The following ZCCHC7 variants were observed in gnomAD, a reference collection of about 807,000 sequenced individuals.
ZCCHC7 encodes the protein zinc finger CCHC domain-containing protein 7.
A neutral mutation model predicts 52.0 loss-of-function variants in ZCCHC7; 35 were observed. The observed-to-expected ratio is 0.67, with a 90% CI of 0.51 to 0.89. ZCCHC7 has a LOEUF of 0.89. Among genes scored for constraint, ZCCHC7 ranks in the 40% least tolerant of loss-of-function variants. ZCCHC7 has a pLI of 0.00. For synonymous variants in ZCCHC7, 217 were observed against 221.5 expected (o/e 0.98, Z 0.18); for missense variants, 574 against 649.1 (o/e 0.88, Z 1.26).
intron 2 of ZCCHC7, among the ~76,000 whole-genome samples, chr9:37,259,749 T>C (rs1424582606): frequency 6.6e-6 from 1 of 152,206 alleles, no homozygotes; most frequent in Non-Finnish European, 1.5e-5. Flanking sequence ...TTCTTGTAAC[T>C]TGGAAGTTGT....
rs138764452 is a variant in ZCCHC7, at chr9:37,333,086, A to G, written c.987+5252A>G. On this transcript the variant is annotated intron_variant, in intron 6 of 8. Transcript: ENST00000336755. ...AATACTAATTTGGTTTAAATGGGAA[A>G]TCAATATGGCATATTTTGCATAGTT... is the stretch of plus-strand genomic sequence containing the variant. Among the ~76,000 whole-genome samples, 72 of 151,856 alleles carry G rather than the reference A, an allele frequency of 4.7e-4. No individual in the cohort carries two copies. In the East Asian group the frequency reaches 0.011, roughly 24 times the overall value.
intron 6 of ZCCHC7, among the ~76,000 whole-genome samples, chr9:37,339,814 C>CT (rs746067796): frequency 5.3e-5 from 8 of 152,092 alleles, no homozygotes; most frequent in Admixed American, 1.3e-4. Flanking sequence ...AGAAAATACC[C>CT]TTTAATTAGT....
chr9:37,176,866 G>A (rs1822061386), intron 2 of ZCCHC7, among the ~76,000 whole-genome samples: 1 of 152,158 alleles, frequency 6.6e-6, no homozygotes, highest in African/African-American at 2.4e-5. Context: ...TTCTGTAAAT[G>A]GGAAGACAGA....
chr9:37,356,823 T>C lies in ZCCHC7; in HGVS notation c.1199-12T>C. ...GCTGCTGAATATGCAAAAATACTTTTATATTTTTCAGTACTCAAGAAAAAT... is the reference window on the plus strand; with the variant it reads ...GCTGCTGAATATGCAAAAATACTTTCATATTTTTCAGTACTCAAGAAAAAT... On this transcript the variant is annotated splice_polypyrimidine_tract_variant and intron_variant, in intron 8 of 8. Transcript: ENST00000336755. The C allele has an allele frequency of 6.4e-7, 1 of 1,570,282 alleles. No individual in the cohort carries two copies. The highest frequency in any genetic ancestry group is 2.1e-5 in the Admixed American group (1 of 48,056).
intron 2 of ZCCHC7, among the ~76,000 whole-genome samples, chr9:37,169,108 G>T (rs1025807304): frequency 2.6e-5 from 4 of 152,086 alleles, no homozygotes; most frequent in Non-Finnish European, 5.9e-5. Context: ...CCCAGTAAAT[G>T]AACTGGAATG....
intron 2 of ZCCHC7, among the ~76,000 whole-genome samples, chr9:37,282,506 G>C (rs1025345871): frequency 5.0e-4 from 76 of 151,410 alleles, no homozygotes; most frequent in African/African-American, 1.7e-3. Flanking sequence ...TCAGGAGGCT[G>C]GGGCAGGAAA....
In ZCCHC7 at chr9:37,265,956, C is replaced by G. The variant is rs1229506264; in HGVS notation, c.611-36232C>G. 5.3e-5 allele frequency among the ~76,000 whole-genome samples: 8 copies of G among 152,136 alleles called. No homozygotes were observed. The East Asian group carries it at 1.5e-3, about 29-fold the overall frequency. On this transcript the variant is annotated intron_variant, in intron 2 of 8. Coordinates refer to ENST00000336755, the MANE Select transcript of ZCCHC7 (RefSeq NM_032226.3). The stretch of plus-strand genomic sequence containing the variant: ...AATCAGTCTCTGTCTTTGTGATACC[C>G]ATCTTCTCTTCCTTCATCCCCTCCC...
chr9:37,275,353 G>C (rs1353806858), intron 2 of ZCCHC7, among the ~76,000 whole-genome samples: 1 of 145,210 alleles, frequency 6.9e-6, no homozygotes, highest in African/African-American at 2.6e-5. Context: ...TATATTCATG[G>C]ATGCATCCAG....
At chr9:37,304,862 T>C (rs1315416325) in intron 4 of ZCCHC7, among the ~76,000 whole-genome samples, 3 of 152,216 alleles carry the variant, frequency 2.0e-5, no homozygotes, top group African/African-American at 7.2e-5. Flanking sequence ...CTTCTTGTTT[T>C]CTTGTCTATA....
At chr9:37,191,926 G>A (rs1823041610) in intron 2 of ZCCHC7, among the ~76,000 whole-genome samples, 1 of 152,140 alleles carries the variant, frequency 6.6e-6, no homozygotes, top group Admixed American at 6.5e-5. Context: ...AGTCCTTTGG[G>A]GGCAGAGCTG....
intron 6 of ZCCHC7, among the ~76,000 whole-genome samples, chr9:37,347,966 T>C (rs957865580): frequency 2.0e-5 from 3 of 152,222 alleles, no homozygotes; most frequent in Non-Finnish European, 4.4e-5. Flanking sequence ...TCTATGTCCA[T>C]TTCACAGGCT....
At chr9:37,258,757 TAAAAAAAAA>T (rs5897683) in intron 2 of ZCCHC7, among the ~76,000 whole-genome samples, 877 of 55,388 alleles carry the variant, frequency 0.016, 25 homozygotes, top group African/African-American at 0.07. Flanking sequence ...TCCTGTCTCT[TAAAAAAAAA>T]AAAAAAAAAA....
chr9:37,193,059 C>A (rs1008613169), intron 2 of ZCCHC7, among the ~76,000 whole-genome samples: 49 of 152,218 alleles, frequency 3.2e-4, no homozygotes, highest in African/African-American at 1.1e-3. Flanking sequence ...GGATTTTAAC[C>A]TCAAATAGAA....
chr9:37,167,328 C>T, intron 2 of ZCCHC7, among the ~76,000 whole-genome samples: 1 of 151,328 alleles, frequency 6.6e-6, no homozygotes, highest in Non-Finnish European at 1.5e-5. Context: ...TCTTGAACTC[C>T]TGGCCTCAGC....
intron 2 of ZCCHC7, among the ~76,000 whole-genome samples, chr9:37,229,003 T>G (rs1261420696): frequency 6.6e-6 from 1 of 151,860 alleles, no homozygotes; most frequent in Non-Finnish European, 1.5e-5. Context: ...GCCCGGCTAA[T>G]TTTTTGTATT....
At chr9:37,356,739 T>A in intron 8 of ZCCHC7, 96 bp from the exon 9 acceptor site, 1 of 1,155,876 alleles carries the variant, frequency 8.7e-7, no homozygotes, top group South Asian at 1.7e-5. Context: ...TGTTTAAATA[T>A]CTAGCTTCCC....
chr9:37,164,485 A>G (rs1821301949), intron 2 of ZCCHC7, among the ~76,000 whole-genome samples: 1 of 151,612 alleles, frequency 6.6e-6, no homozygotes. Context: ...AGATAGATAG[A>G]TAGATAGATA....
rs1258665036 is a variant in ZCCHC7, at chr9:37,245,890, G to A, written c.611-56298G>A. ...GATTTATGTATAATTTGGTGTGGCT[G>A]GACCATAGGTTTTAAAGGTAATGGA... On this transcript the variant is annotated intron_variant, in intron 2 of 8. Coordinates refer to ENST00000336755, the MANE Select transcript of ZCCHC7 (RefSeq NM_032226.3). Among the ~76,000 whole-genome samples, 3 of 152,168 alleles carry A rather than the reference G, an allele frequency of 2.0e-5. No homozygotes were observed. In the East Asian group the frequency reaches 5.8e-4, roughly 29 times the overall value.
intron 2 of ZCCHC7, among the ~76,000 whole-genome samples, chr9:37,206,304 C>T (rs1564178003): frequency 6.7e-6 from 1 of 148,622 alleles, no homozygotes; most frequent in Non-Finnish European, 1.5e-5. Flanking sequence ...CCTTCCCCCT[C>T]TCCCTCTCCC....
Sources: allele counts gnomAD v4.1 joint callset (sites outside exome capture counted in the v4.1 genomes callset), GRCh38; gene constraint gnomAD v4.1.1; transcripts MANE v1.5; gene names NCBI Gene and HGNC (gene_info 2026-07-23, HGNC 2026-07-21).